Variants in CELF2 observed in about 807,000 individuals in gnomAD.
CELF2 encodes CUG triplet repeat RNA-binding protein 2.
CELF2 carries 8 observed loss-of-function variants against 62.6 expected under a neutral mutation model. The observed-to-expected ratio is 0.13, with a 90% confidence interval of 0.07 to 0.23. The LOEUF is 0.23. Ranked by LOEUF, CELF2 falls within the 10% of genes least tolerant of loss-of-function variation. The pLI is 1.00. For missense variants in CELF2, 333 were observed against 671.0 expected (o/e 0.50, Z 5.56); for synonymous variants, 258 against 250.0 (o/e 1.03, Z -0.30).
chr10:10,705,979 C>T, the CELF2 span, among the ~76,000 whole-genome samples: 1 of 152,180 alleles, frequency 6.6e-6, no homozygotes, highest in Non-Finnish European at 1.5e-5. Flanking sequence ...TCTTCCTTCA[C>T]TCACTGGTGC....
the CELF2 span, among the ~76,000 whole-genome samples, chr10:10,519,900 T>C: frequency 1.3e-5 from 2 of 152,226 alleles, no homozygotes; most frequent in South Asian, 2.1e-4. Flanking sequence ...GAAATCCTTC[T>C]GTTTAGATGA....
chr10:10,763,209 C>A, the CELF2 span, among the ~76,000 whole-genome samples: 1 of 152,122 alleles, frequency 6.6e-6, no homozygotes, highest in Admixed American at 6.5e-5. Flanking sequence ...AATGCTGGCC[C>A]AATTTGTATT....
chr10:11,283,992 A>ATGAGGGATGAGTGTGTGGTGG (rs1565758371), intron 8 of CELF2, among the ~76,000 whole-genome samples: 5 of 24,276 alleles, frequency 2.1e-4, no homozygotes, highest in Middle Eastern at 0.045. Context: ...GTGTGTGGTG[A>ATGAGGGATGAGTGTGTGGTGG]GTGGATGAGG....
At chr10:10,669,312 G>A in the CELF2 span, among the ~76,000 whole-genome samples, 2 of 152,184 alleles carry the variant, frequency 1.3e-5, no homozygotes, top group African/African-American at 2.4e-5. Context: ...TTTATGAAGA[G>A]TAAACTCCTA....
Position 11,288,309 on chromosome 10 carries a change from G to A in CELF2, c.842-109G>A, listed in dbSNP as rs973695095. The A allele has an allele frequency of 6.5e-6, 9 of 1,392,076 alleles. 1 individual carries two copies. The highest frequency in any genetic ancestry group is 5.5e-5 in the South Asian group (4 of 72,716). The allele number at this position is 1,392,076 out of a possible 1,614,324, so 86.2% of individuals were successfully genotyped here. On this transcript the variant is annotated intron_variant, in intron 8 of 12. Coordinates refer to ENST00000633077, the MANE Select transcript of CELF2 (RefSeq NM_001326342.2). ...ACCCAGGCAGGTGACCTTGCACAGG[G>A]TCGTCTGCTCTCATCATGTGTCCTG... is the stretch of plus-strand genomic sequence containing the variant.
At chr10:10,645,658 A>G in the CELF2 span, among the ~76,000 whole-genome samples, 1 of 152,184 alleles carries the variant, frequency 6.6e-6, no homozygotes, top group South Asian at 2.1e-4. Context: ...TGTCTCAAAA[A>G]AATAAAAAAT....
chr10:10,818,454 T>G (rs1235061705), intron 1 of CELF2, among the ~76,000 whole-genome samples: 2 of 152,154 alleles, frequency 1.3e-5, no homozygotes, highest in African/African-American at 4.8e-5. Context: ...ATGACCTTAC[T>G]TACAGAAGCT....
chr10:10,663,355 C>T, the CELF2 span, among the ~76,000 whole-genome samples: 9 of 152,074 alleles, frequency 5.9e-5, no homozygotes, highest in Non-Finnish European at 8.8e-5. Flanking sequence ...CCCTAGTTTC[C>T]CCCAAAGAAT....
the CELF2 span, among the ~76,000 whole-genome samples, chr10:10,783,350 G>A: frequency 1.3e-5 from 2 of 152,092 alleles, no homozygotes; most frequent in African/African-American, 4.8e-5. Flanking sequence ...AAGATACAGA[G>A]GGAAAGTACA....
chr10:11,229,598 A>AT (rs371276816), intron 3 of CELF2, among the ~76,000 whole-genome samples: 12,446 of 141,536 alleles, frequency 0.088, 858 homozygotes, highest in African/African-American at 0.19. Flanking sequence ...TGGCATCAGT[A>AT]TTTTTTTTTT....
the CELF2 span, among the ~76,000 whole-genome samples, chr10:10,594,061 A>G: frequency 1.3e-5 from 2 of 152,242 alleles, no homozygotes; most frequent in Non-Finnish European, 2.9e-5. Flanking sequence ...GTTACGATCC[A>G]GATACAGGAG....
intron 1 of CELF2, among the ~76,000 whole-genome samples, chr10:11,126,868 T>A (rs942927391): frequency 6.6e-6 from 1 of 152,152 alleles, no homozygotes; most frequent in African/African-American, 2.4e-5. Flanking sequence ...TTCATACTTT[T>A]TTTTTTAAGT....
At chr10:11,144,748 C>T (rs556533961) in intron 1 of CELF2, among the ~76,000 whole-genome samples, 10 of 151,620 alleles carry the variant, frequency 6.6e-5, no homozygotes, top group Admixed American at 1.3e-4. Context: ...AAAAATCAGC[C>T]AGGTGTGGTG....
At chr10:10,684,960 G>A in the CELF2 span, among the ~76,000 whole-genome samples, 1 of 152,172 alleles carries the variant, frequency 6.6e-6, no homozygotes, top group Non-Finnish European at 1.5e-5. Flanking sequence ...CCATATCTCA[G>A]TGGATTCTCT....
chr10:11,316,590 G>A lies in CELF2; in HGVS notation c.1096+2332G>A, dbSNP rs1031783988. ...AGAGTCAGCTTCTCAAATAGTTGACGGCAGCTTCCATAGCACTGCTATGAA... is the reference window on the plus strand; with the variant it reads ...AGAGTCAGCTTCTCAAATAGTTGACAGCAGCTTCCATAGCACTGCTATGAA... On this transcript the variant is annotated intron_variant, in intron 10 of 12. Coordinates refer to ENST00000633077, the MANE Select transcript of CELF2 (RefSeq NM_001326342.2). The surrounding 1 kb of genome is among the most constrained non-coding windows in gnomAD (Gnocchi z 4.4). Among the ~76,000 whole-genome samples the A allele has an allele frequency of 4.0e-4, 61 of 152,194 alleles. No individual in the cohort carries two copies. Among genetic ancestry groups the A allele is most frequent in the African/African-American group, 1.3e-3 (55 of 41,498 alleles).
At chr10:10,844,432 T>G (rs1406214513) in intron 1 of CELF2, among the ~76,000 whole-genome samples, 2 of 151,958 alleles carry the variant, frequency 1.3e-5, no homozygotes, top group Non-Finnish European at 2.9e-5. Flanking sequence ...GAACAAAATC[T>G]TAAGGGAAAA....
the CELF2 span, among the ~76,000 whole-genome samples, chr10:10,502,337 A>T: frequency 6.6e-6 from 1 of 151,750 alleles, no homozygotes; most frequent in African/African-American, 2.4e-5. Context: ...AATTGGTGTT[A>T]GTTCTGTATT....
intron 1 of CELF2, among the ~76,000 whole-genome samples, chr10:11,054,068 G>C (rs371706639): frequency 6.6e-6 from 1 of 152,102 alleles, no homozygotes; most frequent in Non-Finnish European, 1.5e-5. Flanking sequence ...ATAATTTCCA[G>C]TATCTTTAGT....
upstream of CELF2, among the ~76,000 whole-genome samples, chr10:11,001,831 AG>A (rs1730116499): frequency 6.6e-6 from 1 of 152,116 alleles, no homozygotes; most frequent in African/African-American, 2.4e-5. Flanking sequence ...AGTAATAATC[AG>A]GATTGTTAAA....
Sources: gnomAD v4.1 joint callset for allele counts (sites outside exome capture counted in the v4.1 genomes callset) on GRCh38, gnomAD v4.1.1 for gene constraint, Gnocchi (gnomAD v3.1) non-coding constraint, MANE v1.5 for transcripts, NCBI Gene and HGNC (gene_info 2026-07-23, HGNC 2026-07-21) for gene names.